Variants in DPP10 observed in about 807,000 individuals in gnomAD.
The protein encoded by DPP10 is dipeptidyl peptidase like 10, also known as inactive dipeptidyl peptidase 10.
DPP10 carries 33 observed loss-of-function variants against 120.9 expected under a neutral mutation model. That is an observed-to-expected ratio of 0.27 (90% CI 0.21 to 0.37). The LOEUF (loss-of-function observed/expected upper bound fraction) is 0.37. DPP10 is among the 10% of genes least tolerant of loss of function. The pLI is 1.00. For synonymous variants in DPP10, 337 were observed against 326.1 expected, an observed-to-expected ratio of 1.03 and a Z score of -0.36; for missense variants, 816 against 942.8, an observed-to-expected ratio of 0.87 and a Z score of 1.76.
chr2:115,236,069 A>G (rs1362080830), intron 1 of DPP10, among the ~76,000 whole-genome samples: 1 of 151,664 alleles, frequency 6.6e-6, no homozygotes, highest in African/African-American at 2.4e-5. Flanking sequence ...ACCTATACAT[A>G]CTCCCCCTCC....
rs1446434809 is a variant in DPP10, at chr2:115,836,137, T to C, written c.1951-20T>C. ...TGTGTGAGATATATATATATATATATATATATTTTTCCCCCCCAGGGTTAT... is the reference window on the plus strand; with the variant it reads ...TGTGTGAGATATATATATATATATACATATATTTTTCCCCCCCAGGGTTAT... On this transcript the variant is annotated intron_variant, in intron 21 of 25. Transcript: ENST00000410059. 2 of 1,241,194 alleles carry C rather than the reference T, an allele frequency of 1.6e-6. No individual in the cohort carries two copies. Among genetic ancestry groups the C allele is most frequent in the Admixed American group, 2.4e-5 (1 of 42,276 alleles). The allele number at this position is 1,241,194 out of a possible 1,614,324, so 76.9% of individuals were successfully genotyped here.
intron 1 of DPP10, among the ~76,000 whole-genome samples, chr2:114,963,448 G>T (rs913929319): frequency 6.6e-6 from 1 of 152,048 alleles, no homozygotes; most frequent in Non-Finnish European, 1.5e-5. Context: ...ACATCGATTC[G>T]GTAGTTAGAC....
At position 115,739,758 on chromosome 2, in the gene DPP10, C is replaced by A. The variant is rs185114195; in HGVS notation, c.717C>A (p.His239Gln). The change falls in exon 9 of 26, where the codon CAC (histidine) becomes CAA (glutamine). Residue 239 changes from histidine to glutamine, a missense_variant. Transcript: ENST00000410059. ...WLYEEELLHSHIAHWWSPDGE... is the reference protein window; with the variant it reads ...WLYEEELLHSQIAHWWSPDGE... Reference sequence around the variant, plus strand: ...TTCTAGAGGAACTCCTGCATTCTCACATCGCCCACTGGTGGTCACCAGATG... The same window carrying A: ...TTCTAGAGGAACTCCTGCATTCTCAAATCGCCCACTGGTGGTCACCAGATG... The A allele has an allele frequency of 2.1e-5, 34 of 1,613,384 alleles. No individual in the cohort carries two copies. In the Admixed American group the frequency reaches 2.7e-4, roughly 13 times the overall value.
intron 3 of DPP10, among the ~76,000 whole-genome samples, chr2:115,367,752 A>G (rs577003008): frequency 5.3e-4 from 80 of 152,136 alleles, no homozygotes; most frequent in African/African-American, 1.9e-3. Flanking sequence ...TGTTATGTGT[A>G]TGACTGACAT....
chr2:115,483,285 AATT>A (rs1266162491), intron 3 of DPP10, among the ~76,000 whole-genome samples: 3 of 152,246 alleles, frequency 2.0e-5, no homozygotes, highest in Admixed American at 6.5e-5. Flanking sequence ...ATTTTTAAAA[AATT>A]ATTTCAGATG....
chr2:114,839,874 C>T (rs953416695), intron 1 of DPP10, among the ~76,000 whole-genome samples: 2 of 152,124 alleles, frequency 1.3e-5, no homozygotes, highest in African/African-American at 4.8e-5. Context: ...ATTTAAAGAA[C>T]TATCTTTAAT....
intron 1 of DPP10, among the ~76,000 whole-genome samples, chr2:115,034,470 T>C (rs1704080052): frequency 1.3e-5 from 2 of 152,160 alleles, no homozygotes; most frequent in African/African-American, 2.4e-5. Context: ...AGCACCTAAA[T>C]GCTATGTGGG....
chr2:115,714,554 C>A (rs917449374), intron 7 of DPP10, among the ~76,000 whole-genome samples: 1 of 152,172 alleles, frequency 6.6e-6, no homozygotes, highest in African/African-American at 2.4e-5. Flanking sequence ...CTCTTGTTCT[C>A]CAATAATTCT....
chr2:115,139,353 A>AT (rs869216988), intron 1 of DPP10, among the ~76,000 whole-genome samples: 2 of 144,876 alleles, frequency 1.4e-5, no homozygotes, highest in African/African-American at 2.6e-5. Flanking sequence ...AAGTTCATAG[A>AT]TTTTTTTAAT....
intron 1 of DPP10, among the ~76,000 whole-genome samples, chr2:114,823,006 C>T (rs1252183875): frequency 6.6e-6 from 1 of 152,172 alleles, no homozygotes; most frequent in Non-Finnish European, 1.5e-5. Flanking sequence ...CCAAACTGTT[C>T]CACCCTCTGC....
intron 1 of DPP10, among the ~76,000 whole-genome samples, chr2:115,159,763 C>T (rs1331575925): frequency 6.6e-6 from 1 of 152,052 alleles, no homozygotes; most frequent in Non-Finnish European, 1.5e-5. Context: ...ATACATGAAA[C>T]ATATAATAAT....
chr2:115,204,759 C>T (rs999972458), intron 1 of DPP10, among the ~76,000 whole-genome samples: 1 of 152,162 alleles, frequency 6.6e-6, no homozygotes, highest in African/African-American at 2.4e-5. Context: ...GCAGTGAATA[C>T]ATGAGTGAGA....
chr2:114,866,143 A>ATAAATAAG (rs1690213562), intron 1 of DPP10, among the ~76,000 whole-genome samples: 1 of 151,416 alleles, frequency 6.6e-6, no homozygotes, highest in South Asian at 2.1e-4. Flanking sequence ...AAATAAATAA[A>ATAAATAAG]TAAATAAACT....
At chr2:114,967,700 C>G (rs145505976) in intron 1 of DPP10, among the ~76,000 whole-genome samples, 1 of 152,108 alleles carries the variant, frequency 6.6e-6, no homozygotes, top group Non-Finnish European at 1.5e-5. Flanking sequence ...GCTTATTGGT[C>G]GTGAGACCCA....
Position 115,288,587 on chromosome 2 carries a change from TG to T in DPP10, c.61-20645del, listed in dbSNP as rs1320171159. Reference sequence around the variant, plus strand: ...AATATAAAAATTAGCCAGGCCTGGTTGGGGGGGAGCCTGTAATCCCAGCTAC... The same window carrying T: ...AATATAAAAATTAGCCAGGCCTGGTTGGGGGGAGCCTGTAATCCCAGCTAC... On this transcript the variant is annotated intron_variant, in intron 1 of 25. Transcript: ENST00000410059. 4.0e-5 allele frequency among the ~76,000 whole-genome samples: 6 copies of T among 151,274 alleles called. No homozygotes were observed. In the East Asian group the frequency reaches 7.8e-4, roughly 20 times the overall value.
At chr2:115,247,003 A>C (rs1030201197) in intron 1 of DPP10, among the ~76,000 whole-genome samples, 10 of 152,136 alleles carry the variant, frequency 6.6e-5, no homozygotes, top group African/African-American at 2.2e-4. Context: ...CAGTTTTCCC[A>C]AACAGCTTTA....
rs183125840 is a variant in DPP10 at position 115,167,286 on chromosome 2, G to T, written c.61-141953G>T. The stretch of plus-strand genomic sequence containing the variant: ...AAAAAAAAAAAAAAATCTGGGCCTG[G>T]TGCAGTGGCTCCCACTTGTAATCCC... On this transcript the variant is annotated intron_variant, in intron 1 of 25. Transcript: ENST00000410059. 4.7e-4 allele frequency among the ~76,000 whole-genome samples: 71 copies of T among 151,810 alleles called. 1 individual carries two copies. In the South Asian group the frequency reaches 9.6e-3, roughly 20 times the overall value.
chr2:114,698,860 C>A (rs78564033), intron 1 of DPP10, among the ~76,000 whole-genome samples: 2 of 152,112 alleles, frequency 1.3e-5, no homozygotes, highest in African/African-American at 2.4e-5. Context: ...ATTATGAATA[C>A]TGTCTGTATA....
At chr2:115,062,184 C>T (rs934500278) in intron 1 of DPP10, among the ~76,000 whole-genome samples, 3 of 149,270 alleles carry the variant, frequency 2.0e-5, no homozygotes, top group Non-Finnish European at 4.5e-5. Context: ...GTGTGCATGG[C>T]TACCAAATCA....
Sources: gnomAD v4.1 joint callset for allele counts (sites outside exome capture counted in the v4.1 genomes callset) on GRCh38, gnomAD v4.1.1 for gene constraint, MANE v1.5 for transcripts, NCBI Gene and HGNC (gene_info 2026-07-23, HGNC 2026-07-21) for gene names.